AHI1: variants seen among roughly 807,000 people sequenced by gnomAD.
The protein encoded by AHI1 is Abelson helper integration site 1.
Under a neutral mutation model 149.3 loss-of-function variants are expected in AHI1, and 123 were observed. That is an observed-to-expected ratio of 0.82 (90% CI 0.71 to 0.96). The LOEUF is 0.96. AHI1 is among the 40% of genes least tolerant of loss of function. AHI1 has a pLI of 0.00. For missense variants in AHI1, 1,439 were observed against 1,422.7 expected (o/e 1.01, Z -0.18); for synonymous variants, 475 against 459.8 (o/e 1.03, Z -0.42).
rs1789146289 is a variant in AHI1, at chr6:135,457,431, G to A, written c.1151+63C>T. The A allele has an allele frequency of 1.3e-5, 16 of 1,257,636 alleles. No homozygotes were observed. The South Asian group carries it at 2.2e-4, about 17-fold the overall frequency. 77.9% of individuals were successfully genotyped at this position (1,257,636 alleles called of 1,614,324 possible). ...TCCCACTGACTTTCAACTACCAATG[G>A]CAGAAAAAAGACTTCTACTAGTTTC... On this transcript the variant is annotated intron_variant, in intron 9 of 28. Transcript: ENST00000265602.
chr6:135,406,482 G>C (rs1780813606), intron 21 of AHI1, among the ~76,000 whole-genome samples: 1 of 151,964 alleles, frequency 6.6e-6, no homozygotes, highest in African/African-American at 2.4e-5. Flanking sequence ...CTGGAAAATG[G>C]GAATAATACT....
chr6:135,395,022 G>A, intron 22 of AHI1, 126 bp from the exon 23 acceptor site: 1 of 874,196 alleles, frequency 1.1e-6, no homozygotes, highest in Non-Finnish European at 1.7e-6. Flanking sequence ...GAGTGGTAAT[G>A]ATGTACATGG....
At chr6:135,363,645 C>A (rs1438163846) in intron 23 of AHI1, among the ~76,000 whole-genome samples, 7 of 151,246 alleles carry the variant, frequency 4.6e-5, no homozygotes, top group Non-Finnish European at 7.4e-5. Context: ...GCGCCCCTCA[C>A]CTCCCGGACG....
chr6:135,387,173 G>C (rs900653994), intron 23 of AHI1, among the ~76,000 whole-genome samples: 1 of 152,146 alleles, frequency 6.6e-6, no homozygotes, highest in Non-Finnish European at 1.5e-5. Context: ...ATGAGACACA[G>C]CACCTTGTTG....
chr6:135,479,182 G>A (rs981399096), intron 5 of AHI1, among the ~76,000 whole-genome samples: 5 of 152,088 alleles, frequency 3.3e-5, no homozygotes, highest in Admixed American at 3.3e-4. Context: ...AGTCTCCACT[G>A]GGGCACTGCC....
chr6:135,471,158 G>A (rs1273380568), intron 5 of AHI1, among the ~76,000 whole-genome samples: 1 of 152,138 alleles, frequency 6.6e-6, no homozygotes, highest in Non-Finnish European at 1.5e-5. Flanking sequence ...AGAGAAGAAA[G>A]ATTTATGGTC....
intron 24 of AHI1, among the ~76,000 whole-genome samples, chr6:135,336,143 A>G (rs1455331560): frequency 6.6e-6 from 1 of 150,872 alleles, no homozygotes; most frequent in African/African-American, 2.4e-5. Flanking sequence ...AAAATTCCAT[A>G]TTTATAAATA....
intron 24 of AHI1, among the ~76,000 whole-genome samples, chr6:135,333,212 C>T (rs933188249): frequency 3.9e-5 from 6 of 151,992 alleles, no homozygotes; most frequent in African/African-American, 2.4e-5. Context: ...AAATAAAATA[C>T]GCTTTAAGAA....
chr6:135,415,182 A>G (rs187853934), intron 20 of AHI1, among the ~76,000 whole-genome samples: 2 of 152,010 alleles, frequency 1.3e-5, no homozygotes, highest in African/African-American at 2.4e-5. Flanking sequence ...CATGGTGTAT[A>G]TGTGCCACAT....
At chr6:135,466,485 G>T in intron 6 of AHI1, 112 bp from the exon 7 acceptor site, 1 of 1,015,760 alleles carries the variant, frequency 9.8e-7, no homozygotes, top group Non-Finnish European at 1.4e-6. Context: ...GGATTATTTA[G>T]TTTTTCATCT....
At chr6:135,301,782 A>G in intron 26 of AHI1, 4 of 985,462 alleles carry the variant, frequency 4.1e-6, no homozygotes, top group Non-Finnish European at 4.8e-6. Flanking sequence ...GCTCTGACTC[A>G]GTTAAAACGT....
intron 8 of AHI1, among the ~76,000 whole-genome samples, chr6:135,462,173 C>T (rs773286951): frequency 6.6e-6 from 1 of 151,834 alleles, no homozygotes; most frequent in East Asian, 1.9e-4. Flanking sequence ...ATAGAAACCA[C>T]AAAACATCAT....
At position 135,363,578 on chromosome 6, in the gene AHI1, G is replaced by A. The variant is rs1175730874; in HGVS notation, c.3110-5391C>T. ...GAGCTGTTGGGTACACCTCCCAGAC[G>A]GGGTGGTGGCCGGGCAGAGGGGCTC... is the stretch of plus-strand genomic sequence containing the variant. On this transcript the variant is annotated intron_variant, in intron 23 of 28. Coordinates refer to ENST00000265602, the MANE Select transcript of AHI1 (RefSeq NM_001134831.2). 2.6e-4 allele frequency among the ~76,000 whole-genome samples: 39 copies of A among 152,070 alleles called. 1 individual carries two copies. The highest frequency in any genetic ancestry group is 4.6e-4 in the Non-Finnish European group (31 of 67,968).
chr6:135,455,114 A>ATT (rs145481711), intron 10 of AHI1, among the ~76,000 whole-genome samples: 3 of 151,844 alleles, frequency 2.0e-5, no homozygotes, highest in African/African-American at 7.3e-5. Flanking sequence ...CTGCAAACGC[A>ATT]TTTTTTTTAA....
intron 24 of AHI1, among the ~76,000 whole-genome samples, chr6:135,353,646 C>G (rs1046331139): frequency 6.6e-5 from 10 of 152,072 alleles, no homozygotes; most frequent in African/African-American, 1.9e-4. Context: ...ACAATAACAA[C>G]CCAACAGCTA....
chr6:135,392,618 T>C (rs1010138829), intron 23 of AHI1, among the ~76,000 whole-genome samples: 3 of 152,260 alleles, frequency 2.0e-5, no homozygotes, highest in African/African-American at 7.2e-5. Flanking sequence ...TCTATTTACA[T>C]GATTTGTTTT....
chr6:135,360,112 T>C (rs1310321356), intron 23 of AHI1, among the ~76,000 whole-genome samples: 2 of 152,146 alleles, frequency 1.3e-5, no homozygotes, highest in Non-Finnish European at 2.9e-5. Context: ...AAAAAATGTA[T>C]CAAAATAACT....
intron 15 of AHI1, among the ~76,000 whole-genome samples, chr6:135,437,605 C>T (rs576205648): frequency 6.6e-6 from 1 of 152,066 alleles, no homozygotes; most frequent in Non-Finnish European, 1.5e-5. Flanking sequence ...AAAAGTAACA[C>T]GAAGTGTTAA....
At chr6:135,473,427 T>G (rs1341566880) in intron 5 of AHI1, among the ~76,000 whole-genome samples, 45 of 152,204 alleles carry the variant, frequency 3.0e-4, no homozygotes, top group Non-Finnish European at 1.2e-4. Context: ...GTTCTAGGTC[T>G]GTTGTTTACA....
Sources: allele counts gnomAD v4.1 joint callset (sites outside exome capture counted in the v4.1 genomes callset), GRCh38; gene constraint gnomAD v4.1.1; transcripts MANE v1.5; gene names NCBI Gene and HGNC (gene_info 2026-07-23, HGNC 2026-07-21).